PCDHGB1: variants seen among roughly 807,000 people sequenced by gnomAD.
The protein encoded by PCDHGB1 is protocadherin gamma-B1.
A neutral mutation model predicts 56.6 loss-of-function variants in PCDHGB1; 34 were observed. The observed-to-expected ratio is 0.60, with a 90% CI of 0.46 to 0.80. PCDHGB1 has a LOEUF of 0.80. Ranked by LOEUF, PCDHGB1 falls within the 30% of genes least tolerant of loss-of-function variation. PCDHGB1 has a pLI of 0.00. For synonymous variants in PCDHGB1, 561 were observed against 505.9 expected (o/e 1.11, Z -1.46); for missense variants, 1,278 against 1,204.6 (o/e 1.06, Z -0.90).
At chr5:141,481,811 G>T (rs1050821120) in intron 1 of PCDHGB1, among the ~76,000 whole-genome samples, 3 of 151,892 alleles carry the variant, frequency 2.0e-5, no homozygotes, top group Admixed American at 1.3e-4. Flanking sequence ...AATTCACCAG[G>T]CGTGGTGGCT....
rs549866784 is a variant in PCDHGB1, at chr5:141,437,490, A to G, written c.2410-57317A>G. ...TTTTATAGCATATTTAATCTCGTAGATCACTTTTCAATGAATTATAAGGCT... is the reference window on the plus strand; with the variant it reads ...TTTTATAGCATATTTAATCTCGTAGGTCACTTTTCAATGAATTATAAGGCT... On this transcript the variant is annotated intron_variant, in intron 1 of 3. Coordinates refer to ENST00000523390, the MANE Select transcript of PCDHGB1 (RefSeq NM_018922.3). 2.0e-5 allele frequency among the ~76,000 whole-genome samples: 3 copies of G among 152,308 alleles called. No homozygotes were observed. In the East Asian group the frequency reaches 5.8e-4, roughly 29 times the overall value.
At chr5:141,428,112 A>G (rs2097111373) in intron 1 of PCDHGB1, 1 of 1,607,642 alleles carries the variant, frequency 6.2e-7, no homozygotes, top group Non-Finnish European at 8.5e-7. Context: ...GCTGCAGGCC[A>G]TCGAGCCCGG....
At chr5:141,388,250 G>A in intron 1 of PCDHGB1, 1 of 1,610,522 alleles carries the variant, frequency 6.2e-7, no homozygotes, top group Middle Eastern at 1.7e-4. Flanking sequence ...TGAATGTGGA[G>A]ATCGAGGACA....
chr5:141,354,761 T>C (rs1759626759), intron 1 of PCDHGB1, among the ~76,000 whole-genome samples: 2 of 152,120 alleles, frequency 1.3e-5, no homozygotes, highest in Non-Finnish European at 2.9e-5. Flanking sequence ...GAACACATCT[T>C]AGGAAAAAAA....
chr5:141,399,495 T>C, intron 1 of PCDHGB1: 1 of 1,614,034 alleles, frequency 6.2e-7, no homozygotes, highest in Non-Finnish European at 8.5e-7. Context: ...ACTTAGTCAG[T>C]GTACCCGAAA....
chr5:141,355,143 T>C, intron 1 of PCDHGB1: 1 of 1,525,970 alleles, frequency 6.6e-7, no homozygotes, highest in Non-Finnish European at 8.8e-7. Context: ...ATCCTGGGGC[T>C]CCTCAGGCCT....
chr5:141,357,369 C>G, intron 1 of PCDHGB1: 1 of 1,614,182 alleles, frequency 6.2e-7, no homozygotes, highest in East Asian at 2.2e-5. Context: ...ACAAGTCACG[C>G]CTGCTTCACG....
rs765123370 is a variant in PCDHGB1, at chr5:141,365,478, C to A, written c.2409+12809C>A. On this transcript the variant is annotated intron_variant, in intron 1 of 3. Coordinates refer to ENST00000523390, the MANE Select transcript of PCDHGB1 (RefSeq NM_018922.3). ...GATTCTGGAGAAAATGGTGAGATTGCATGCTCTATTCCTAGGAATTTGCCT... is the reference window on the plus strand; with the variant it reads ...GATTCTGGAGAAAATGGTGAGATTGAATGCTCTATTCCTAGGAATTTGCCT... The A allele has an allele frequency of 8.1e-6, 13 of 1,614,014 alleles. No homozygotes were observed. In the South Asian group the frequency reaches 1.4e-4, roughly 18 times the overall value.
At chr5:141,464,426 G>GAT (rs1287556960) in intron 1 of PCDHGB1, among the ~76,000 whole-genome samples, 1 of 151,096 alleles carries the variant, frequency 6.6e-6, no homozygotes, top group African/African-American at 2.4e-5. Flanking sequence ...TATATATATA[G>GAT]ATATATATGT....
intron 1 of PCDHGB1, chr5:141,468,354 GA>G (rs910554966): frequency 7.0e-6 from 1 of 143,440 alleles, no homozygotes. Context: ...AAAAAAGAAA[GA>G]AAAAAGAAAT....
chr5:141,401,815 C>G (rs1217081146), intron 1 of PCDHGB1, among the ~76,000 whole-genome samples: 1 of 152,184 alleles, frequency 6.6e-6, no homozygotes, highest in Non-Finnish European at 1.5e-5. Flanking sequence ...GGGTTCCTTA[C>G]AAAGTGCTGA....
At chr5:141,388,353 G>T in intron 1 of PCDHGB1, 1 of 1,613,976 alleles carries the variant, frequency 6.2e-7, no homozygotes, top group Non-Finnish European at 8.5e-7. Context: ...ATTAGGATCT[G>T]CCCATGATGC....
chr5:141,374,977 T>C, intron 1 of PCDHGB1: 2 of 1,614,020 alleles, frequency 1.2e-6, no homozygotes, highest in Non-Finnish European at 1.7e-6. Flanking sequence ...ATGTTTTGAC[T>C]GGAGAAATTT....
At chr5:141,425,296 T>A (rs1283179158) in intron 1 of PCDHGB1, among the ~76,000 whole-genome samples, 1 of 152,194 alleles carries the variant, frequency 6.6e-6, no homozygotes, top group Non-Finnish European at 1.5e-5. Flanking sequence ...TAAAACCTCA[T>A]CTAAACTAAC....
intron 1 of PCDHGB1, chr5:141,383,918 T>C: frequency 6.2e-7 from 1 of 1,613,948 alleles, no homozygotes. Flanking sequence ...GTTTTAGATG[T>C]AAATGATAAT....
At chr5:141,380,859 A>G (rs1428223236) in intron 1 of PCDHGB1, among the ~76,000 whole-genome samples, 1 of 152,262 alleles carries the variant, frequency 6.6e-6, no homozygotes, top group Non-Finnish European at 1.5e-5. Context: ...AGACATTGAG[A>G]GCTATAACCT....
rs115281328 is a variant in PCDHGB1, at chr5:141,377,595, C to T, written c.2409+24926C>T. 1,339 of 144,106 alleles carry T rather than the reference C, an allele frequency of 9.3e-3. 18 individuals are homozygous for T. Among genetic ancestry groups the T allele is most frequent in the African/African-American group, 0.033 (1,264 of 38,356 alleles). 8.9% of individuals were successfully genotyped at this position (144,106 alleles called of 1,614,324 possible). The stretch of plus-strand genomic sequence containing the variant: ...TGGGAGACAGAATGAGACTTTTTCT[C>T]TCTCTCTCTCAAAAAAAAAAAAAGA... On this transcript the variant is annotated intron_variant, in intron 1 of 3. Coordinates refer to ENST00000523390, the MANE Select transcript of PCDHGB1 (RefSeq NM_018922.3).
chr5:141,366,644 C>A, intron 1 of PCDHGB1: 3 of 1,614,268 alleles, frequency 1.9e-6, no homozygotes, highest in Non-Finnish European at 2.5e-6. Flanking sequence ...GATCTTTCCC[C>A]AGCCCAACTA....
rs113212669 is a variant in PCDHGB1 at position 141,465,048 on chromosome 5, A to T, written c.2410-29759A>T. 2.4e-3 allele frequency among the ~76,000 whole-genome samples: 362 copies of T among 151,344 alleles called. 4 individuals are homozygous for T. Among genetic ancestry groups the T allele is most frequent in the African/African-American group, 8.4e-3 (346 of 41,268 alleles). On this transcript the variant is annotated intron_variant, in intron 1 of 3. Transcript: ENST00000523390. ...TGAACCACCACAAATGACCCTATAT[A>T]TTTTTTTGAATTGTCTGTTCATGTC...
Sources: allele counts gnomAD v4.1 joint callset (sites outside exome capture counted in the v4.1 genomes callset), GRCh38; gene constraint gnomAD v4.1.1; transcripts MANE v1.5; gene names NCBI Gene and HGNC (gene_info 2026-07-23, HGNC 2026-07-21).